SPHKAP: variants seen among roughly 807,000 people sequenced by gnomAD.
SPHKAP encodes SPHK1 interactor, AKAP domain containing, also known as A-kinase anchor protein SPHKAP.
A neutral mutation model predicts 137.5 loss-of-function variants in SPHKAP; 67 were observed. The ratio of observed to expected loss-of-function variants is 0.49; its 90% CI spans 0.40 to 0.60. SPHKAP has a LOEUF of 0.60. SPHKAP is among the 20% of genes least tolerant of loss of function. The pLI is 0.00. For synonymous variants in SPHKAP, 813 were observed against 785.3 expected, an observed-to-expected ratio of 1.04 and a Z score of -0.59; for missense variants, 2,097 against 2,069.3, an observed-to-expected ratio of 1.01 and a Z score of -0.26.
At chr2:228,128,630 A>T (rs980157378) in intron 2 of SPHKAP, among the ~76,000 whole-genome samples, 3 of 152,162 alleles carry the variant, frequency 2.0e-5, no homozygotes, top group African/African-American at 7.2e-5. Context: ...ATTATCTATG[A>T]CAGTTATAGC....
chr2:228,098,863 C>G (rs1698094851), intron 3 of SPHKAP, among the ~76,000 whole-genome samples: 2 of 148,388 alleles, frequency 1.3e-5, no homozygotes, highest in African/African-American at 4.9e-5. Flanking sequence ...TGCTTGTTTA[C>G]TTTTTAATGT....
At chr2:228,096,672 G>A (rs1043885516) in intron 3 of SPHKAP, among the ~76,000 whole-genome samples, 17 of 150,848 alleles carry the variant, frequency 1.1e-4, no homozygotes, top group Admixed American at 8.0e-4. Flanking sequence ...GTGTGTCTGC[G>A]TGTGTGTCCA....
intron 3 of SPHKAP, among the ~76,000 whole-genome samples, chr2:228,033,392 AC>A (rs1695434093): frequency 6.6e-6 from 1 of 152,222 alleles, no homozygotes; most frequent in African/African-American, 2.4e-5. Flanking sequence ...GTCCTTAGTG[AC>A]CTACAAAGAA....
chr2:228,034,832 G>C lies in SPHKAP; in HGVS notation c.247-7289C>G, dbSNP rs144487317. 3.8e-3 allele frequency among the ~76,000 whole-genome samples: 573 copies of C among 152,100 alleles called. 5 individuals are homozygous for C. Among genetic ancestry groups the C allele is most frequent in the African/African-American group, 0.012 (518 of 41,472 alleles). ...AAGGCTTTCGACAAAATTCAACAAC[G>C]CTTCATGCTAAAAACTCTCAATAAA... On this transcript the variant is annotated intron_variant, in intron 3 of 11. Coordinates refer to ENST00000392056, the MANE Select transcript of SPHKAP (RefSeq NM_001142644.2).
chr2:228,010,937 C>G (rs888347593), intron 7 of SPHKAP, among the ~76,000 whole-genome samples: 1 of 152,056 alleles, frequency 6.6e-6, no homozygotes, highest in African/African-American at 2.4e-5. Context: ...TGCCTTGATT[C>G]CTTGTGTGTC....
intron 3 of SPHKAP, among the ~76,000 whole-genome samples, chr2:228,057,893 G>A (rs1380857972): frequency 1.3e-5 from 2 of 152,090 alleles, no homozygotes; most frequent in Non-Finnish European, 2.9e-5. Flanking sequence ...CTCTTATTTG[G>A]TTTGGAGCTT....
At chr2:228,000,245 C>T (rs1024462736) in intron 7 of SPHKAP, among the ~76,000 whole-genome samples, 10 of 152,164 alleles carry the variant, frequency 6.6e-5, no homozygotes, top group Non-Finnish European at 1.0e-4. Context: ...TTTGGGAGGC[C>T]AAGGCGGGTG....
intron 1 of SPHKAP, among the ~76,000 whole-genome samples, chr2:228,157,878 A>T (rs1189473924): frequency 1.3e-5 from 2 of 152,212 alleles, no homozygotes; most frequent in African/African-American, 2.4e-5. Flanking sequence ...GAGTCTTAAA[A>T]GAAAAAAAAA....
chr2:228,126,493 C>CA (rs1699079587), intron 2 of SPHKAP, among the ~76,000 whole-genome samples: 1 of 152,116 alleles, frequency 6.6e-6, no homozygotes, highest in South Asian at 2.1e-4. Context: ...TAAGCAATCA[C>CA]TAAAACCTCA....
At chr2:228,099,911 G>A (rs1016752081) in intron 3 of SPHKAP, among the ~76,000 whole-genome samples, 8 of 151,264 alleles carry the variant, frequency 5.3e-5, no homozygotes, top group East Asian at 1.9e-4. Flanking sequence ...GTGCAGTGGC[G>A]CAATCTCGGC....
At chr2:228,005,648 T>C (rs1042034562) in intron 7 of SPHKAP, among the ~76,000 whole-genome samples, 51 of 152,356 alleles carry the variant, frequency 3.3e-4, no homozygotes, top group Admixed American at 9.8e-4. Flanking sequence ...CTAGCATTGA[T>C]GGTCTTTACA....
At chr2:228,030,513 CAAA>C (rs11287311) in intron 3 of SPHKAP, among the ~76,000 whole-genome samples, 5 of 48,764 alleles carry the variant, frequency 1.0e-4, no homozygotes, top group African/African-American at 3.7e-4. Context: ...GATACCATCT[CAAA>C]AAAAAAAAAA....
chr2:228,027,970 A>AAG (rs1553614636), intron 3 of SPHKAP: 2 of 973,302 alleles, frequency 2.1e-6, no homozygotes, highest in East Asian at 1.1e-4. Context: ...GAAAAAAAAA[A>AAG]AAAAAAGAAA....
intron 7 of SPHKAP, among the ~76,000 whole-genome samples, chr2:228,001,546 CATATATATAAAAATATAT>C (rs1180182048): frequency 2.8e-5 from 4 of 141,968 alleles, no homozygotes; most frequent in South Asian, 4.3e-4. Context: ...TAAAAATATA[CATATATATAAAAATATAT>C]ATACACACAT....
At chr2:228,129,689 T>C (rs1291823347) in intron 2 of SPHKAP, among the ~76,000 whole-genome samples, 1 of 151,912 alleles carries the variant, frequency 6.6e-6, no homozygotes, top group South Asian at 2.1e-4. Context: ...TAAATGTATA[T>C]ATTTATGTAT....
Position 228,021,905 on chromosome 2 carries a change from G to T in SPHKAP, c.503C>A (p.Thr168Asn). Residue 168 changes from threonine to asparagine, a missense_variant, in exon 6 of 12, where the codon ACC becomes AAC. By Grantham distance (65) the Thr-to-Asn change is moderately conservative (BLOSUM62 0). Coordinates refer to ENST00000392056, the MANE Select transcript of SPHKAP (RefSeq NM_001142644.2). ...QCARGNRPNSTNCIIFEINKF... is the reference protein window; with the variant it reads ...QCARGNRPNSNNCIIFEINKF... ...GTTGATTTCAAAGATGATGCAGTTGGTACTGTTTGGTCTGTTCCCTCTTGC... is the reference window on the plus strand; with the variant it reads ...GTTGATTTCAAAGATGATGCAGTTGTTACTGTTTGGTCTGTTCCCTCTTGC... The T allele has an allele frequency of 6.2e-7, 1 of 1,614,060 alleles. No homozygotes were observed. The highest frequency in any genetic ancestry group is 2.2e-5 in the East Asian group (1 of 44,868).
Position 228,108,878 on chromosome 2 carries a change from G to T in SPHKAP, c.200C>A (p.Pro67His). 6.2e-7 allele frequency: 1 copy of T among 1,609,982 alleles called. No individual in the cohort carries two copies. Among genetic ancestry groups the T allele is most frequent in the Non-Finnish European group, 8.5e-7 (1 of 1,179,130 alleles). The change falls in exon 3 of 12, where the codon CCC becomes CAC. Residue 67 changes from proline (P) to histidine (H), a missense_variant. By Grantham distance (77) the Pro-to-His change is moderately conservative. Coordinates refer to ENST00000392056, the MANE Select transcript of SPHKAP (RefSeq NM_001142644.2). Reference protein sequence around the residue: ...TDYWLQNQRMPCQIGFVEDKS... With the variant: ...TDYWLQNQRMHCQIGFVEDKS... ...GTCTTCTACAAAACCAATTTGGCAGGGCATCCTCTGATTCTGCAACCAGTA... is the reference window on the plus strand; with the variant it reads ...GTCTTCTACAAAACCAATTTGGCAGTGCATCCTCTGATTCTGCAACCAGTA...
chr2:228,142,667 A>G (rs114184750), intron 1 of SPHKAP, among the ~76,000 whole-genome samples: 1 of 152,124 alleles, frequency 6.6e-6, no homozygotes, highest in Non-Finnish European at 1.5e-5. Context: ...ACGGACACCT[A>G]GATGAGGACA....
At chr2:228,033,350 C>T (rs1314688814) in intron 3 of SPHKAP, among the ~76,000 whole-genome samples, 1 of 152,124 alleles carries the variant, frequency 6.6e-6, no homozygotes, top group Non-Finnish European at 1.5e-5. Context: ...ATATATGCAC[C>T]CAATACAGGA....
Sources: allele counts gnomAD v4.1 joint callset (sites outside exome capture counted in the v4.1 genomes callset), GRCh38; gene constraint gnomAD v4.1.1; transcripts MANE v1.5; gene names NCBI Gene and HGNC (gene_info 2026-07-23, HGNC 2026-07-21).